The following MAPRE3 variants were observed in gnomAD, a reference collection of about 807,000 sequenced individuals.
The protein encoded by MAPRE3 is microtubule associated protein RP/EB family member 3, also known as microtubule-associated protein RP/EB family member 3.
A neutral mutation model predicts 30.5 loss-of-function variants in MAPRE3; 2 were observed. That is an observed-to-expected ratio of 0.07 (90% confidence interval 0.03 to 0.21). MAPRE3 has a LOEUF of 0.21. MAPRE3 is among the 10% of genes least tolerant of loss of function. The pLI, the probability that MAPRE3 is intolerant of heterozygous loss-of-function variation, is 1.00. For synonymous variants in MAPRE3, 110 were observed against 127.7 expected, an observed-to-expected ratio of 0.86 and a Z score of 0.93; for missense variants, 204 against 351.8, an observed-to-expected ratio of 0.58 and a Z score of 3.36.
At chr2:26,991,144 C>T (rs1666334120) in intron 1 of MAPRE3, among the ~76,000 whole-genome samples, 1 of 152,164 alleles carries the variant, frequency 6.6e-6, no homozygotes. Flanking sequence ...GTCCCAGCTG[C>T]TCTGGAGGCT....
chr2:27,010,847 G>A (rs1291787211), intron 1 of MAPRE3, among the ~76,000 whole-genome samples: 3 of 152,180 alleles, frequency 2.0e-5, no homozygotes, highest in African/African-American at 7.2e-5. Flanking sequence ...AGACACACAT[G>A]GCTGTGATGA....
intron 1 of MAPRE3, chr2:27,002,771 T>C (rs1290032806): frequency 2.0e-5 from 3 of 152,264 alleles, no homozygotes; most frequent in Non-Finnish European, 4.4e-5. Context: ...GCTCATCTAT[T>C]CTTGTTTTGA....
At chr2:27,016,283 C>T (rs986997642) in intron 1 of MAPRE3, among the ~76,000 whole-genome samples, 2 of 152,086 alleles carry the variant, frequency 1.3e-5, no homozygotes, top group African/African-American at 4.8e-5. Flanking sequence ...TGGGACAGAG[C>T]CTGCCCCCTC....
chr2:27,009,050 G>C (rs1002325524), intron 1 of MAPRE3, among the ~76,000 whole-genome samples: 5 of 152,138 alleles, frequency 3.3e-5, no homozygotes, highest in African/African-American at 7.2e-5. Context: ...ATAGGGTTGG[G>C]GGGGAGGGCA....
intron 1 of MAPRE3, chr2:26,996,815 T>C (rs1371027754): frequency 6.6e-6 from 1 of 151,346 alleles, no homozygotes; most frequent in Non-Finnish European, 1.5e-5. Flanking sequence ...CCAAAATAAA[T>C]AGATAAATAA....
chr2:27,015,958 A>G lies in MAPRE3; in HGVS notation c.-7-6254A>G, dbSNP rs1666973089. Among the ~76,000 whole-genome samples, 1 of 152,168 alleles carries G rather than the reference A, an allele frequency of 6.6e-6. No individual in the cohort carries two copies. The highest frequency in any genetic ancestry group is 2.1e-4 in the South Asian group (1 of 4,834). On this transcript the variant is annotated intron_variant, in intron 1 of 6. Transcript: ENST00000233121. The surrounding 1 kb of genome is among the most constrained non-coding windows in gnomAD (Gnocchi z 4.0). ...TTCCCCTCCCGCAATGAGAGCTGTAATTGCCTTTCCCAGTTGCCTGTGAAT... is the reference window on the plus strand; with the variant it reads ...TTCCCCTCCCGCAATGAGAGCTGTAGTTGCCTTTCCCAGTTGCCTGTGAAT...
chr2:27,004,294 A>C (rs1553329078), intron 1 of MAPRE3, among the ~76,000 whole-genome samples: 1 of 152,196 alleles, frequency 6.6e-6, no homozygotes, highest in Non-Finnish European at 1.5e-5. Context: ...GAAATACACC[A>C]CAGGGCTACT....
chr2:27,026,122 C>T, intron 6 of MAPRE3, 90 bp downstream of exon 6: 1 of 1,518,242 alleles, frequency 6.6e-7, no homozygotes, highest in Non-Finnish European at 9.0e-7. Context: ...CCGTGGAGAA[C>T]ATTTACTGAT....
At chr2:26,992,945 C>T (rs1666376880) in intron 1 of MAPRE3, among the ~76,000 whole-genome samples, 1 of 152,182 alleles carries the variant, frequency 6.6e-6, no homozygotes, top group Non-Finnish European at 1.5e-5. Flanking sequence ...TGTTGTACTT[C>T]CATGCCCTTT....
chr2:27,004,509 G>A (rs986147901), intron 1 of MAPRE3, among the ~76,000 whole-genome samples: 17 of 151,950 alleles, frequency 1.1e-4, no homozygotes, highest in African/African-American at 3.9e-4. Flanking sequence ...TTTTCCCATT[G>A]TTACCAAACT....
chr2:27,022,320 G>A lies in MAPRE3; in HGVS notation c.102G>A (p.Lys34=), dbSNP rs1349968900. 6.2e-7 allele frequency: 1 copy of A among 1,614,134 alleles called. No individual in the cohort carries two copies. The highest frequency in any genetic ancestry group is 2.2e-5 in the East Asian group (1 of 44,884). ...VNDSLHLNYT[K]IEQLCSGAAY... ...ACTCCCTGCACCTCAACTATACCAAGATAGAACAGCTTTGTTCAGGTAGGA... is the reference window on the plus strand; with the variant it reads ...ACTCCCTGCACCTCAACTATACCAAAATAGAACAGCTTTGTTCAGGTAGGA... Residue 34 remains lysine (K), a synonymous_variant, in exon 2 of 7, where the codon AAG becomes AAA. Transcript: ENST00000233121.
intron 1 of MAPRE3, among the ~76,000 whole-genome samples, chr2:26,994,827 T>C (rs1028805177): frequency 1.4e-5 from 2 of 146,622 alleles, no homozygotes; most frequent in Admixed American, 6.9e-5. Context: ...TCTTCTTCTT[T>C]TTTTTTTTTT....
At chr2:26,989,362 C>T (rs140620154) in intron 1 of MAPRE3, among the ~76,000 whole-genome samples, 135 of 152,202 alleles carry the variant, frequency 8.9e-4, no homozygotes, top group African/African-American at 3.0e-3. Flanking sequence ...CATACACTGC[C>T]TCGATTAATA....
chr2:26,982,602 ACT>A (rs1160633113), intron 1 of MAPRE3, among the ~76,000 whole-genome samples: 2 of 152,054 alleles, frequency 1.3e-5, no homozygotes, highest in East Asian at 3.9e-4. Flanking sequence ...AATTAAATGG[ACT>A]CTCTATAAAC....
At chr2:27,024,012 C>G in intron 3 of MAPRE3, 84 bp from the exon 4 acceptor site, 1 of 1,092,066 alleles carries the variant, frequency 9.2e-7, no homozygotes, top group Non-Finnish European at 1.4e-6. Context: ...GGCTGGCTTT[C>G]CTGAGAGCAG....
At chr2:27,018,202 C>T (rs1182855263) in intron 1 of MAPRE3, among the ~76,000 whole-genome samples, 2 of 152,226 alleles carry the variant, frequency 1.3e-5, no homozygotes. Flanking sequence ...CCCCCAGAAC[C>T]ACCCAAGACC....
chr2:26,997,922 C>G (rs1439381951), intron 1 of MAPRE3, among the ~76,000 whole-genome samples: 1 of 152,214 alleles, frequency 6.6e-6, no homozygotes, highest in Admixed American at 6.5e-5. Context: ...GCTAGTCCAG[C>G]CTTCAGTCTG....
chr2:26,983,150 ACATT>A lies in MAPRE3; in HGVS notation c.-8+12351_-8+12354del, dbSNP rs543046970. On this transcript the variant is annotated intron_variant, in intron 1 of 6. Transcript: ENST00000233121. ...TCCAGTAAGACAGAGACAGAGATAG[ACATT>A]CAGAGACGGAACCCACCACATAATC... is the stretch of plus-strand genomic sequence containing the variant. Among the ~76,000 whole-genome samples, 677 of 152,344 alleles carry A rather than the reference ACATT, an allele frequency of 4.4e-3. 4 individuals are homozygous for A. Among genetic ancestry groups the A allele is most frequent in the African/African-American group, 0.016 (659 of 41,570 alleles).
intron 1 of MAPRE3, among the ~76,000 whole-genome samples, chr2:26,972,369 G>A (rs1665931524): frequency 6.6e-6 from 1 of 152,192 alleles, no homozygotes; most frequent in Non-Finnish European, 1.5e-5. Context: ...CCTCCTCATA[G>A]CCACTCCCTG....
Sources: allele counts gnomAD v4.1 joint callset (sites outside exome capture counted in the v4.1 genomes callset), GRCh38; gene constraint gnomAD v4.1.1; non-coding constraint Gnocchi (gnomAD v3.1); transcripts MANE v1.5; gene names NCBI Gene and HGNC (gene_info 2026-07-23, HGNC 2026-07-21).